Variants in KCNB2 observed in about 807,000 individuals in gnomAD.
The protein encoded by KCNB2 is delayed rectifier potassium channel protein.
KCNB2 carries 15 observed loss-of-function variants against 61.5 expected under a neutral mutation model. The observed-to-expected ratio is 0.24, with a 90% CI of 0.16 to 0.38. KCNB2 has a LOEUF of 0.38. KCNB2 is among the 10% of genes least tolerant of loss of function. KCNB2 has a pLI of 1.00. For missense variants in KCNB2, 828 were observed against 1,125.2 expected (o/e 0.74, Z 3.78); for synonymous variants, 457 against 446.0 (o/e 1.02, Z -0.31).
chr8:72,729,276 C>T (rs756556774), intron 2 of KCNB2, among the ~76,000 whole-genome samples: 6 of 152,200 alleles, frequency 3.9e-5, no homozygotes, highest in Non-Finnish European at 7.3e-5. Context: ...CGCACCAATA[C>T]TATTCCAGTG....
intron 1 of KCNB2, among the ~76,000 whole-genome samples, chr8:72,543,146 T>C (rs1806213428): frequency 6.6e-6 from 1 of 152,144 alleles, no homozygotes; most frequent in Non-Finnish European, 1.5e-5. Context: ...TTTACTTTCC[T>C]GAAATAATAT....
chr8:72,753,322 A>G (rs1014042213), intron 2 of KCNB2, among the ~76,000 whole-genome samples: 2 of 152,226 alleles, frequency 1.3e-5, no homozygotes, highest in African/African-American at 4.8e-5. Flanking sequence ...TAACATCATA[A>G]TGATCATTTT....
intron 1 of KCNB2, among the ~76,000 whole-genome samples, chr8:72,564,306 G>A (rs72668118): frequency 2.0e-5 from 3 of 152,224 alleles, no homozygotes; most frequent in Non-Finnish European, 4.4e-5. Flanking sequence ...TGAGATATTT[G>A]TGTCATTCTG....
At chr8:72,721,779 C>T (rs564196439) in intron 2 of KCNB2, among the ~76,000 whole-genome samples, 23 of 152,322 alleles carry the variant, frequency 1.5e-4, no homozygotes, top group Non-Finnish European at 3.2e-4. Context: ...CTACCCACTA[C>T]TGACCCCAAA....
chr8:72,619,400 C>G, intron 2 of KCNB2: 1 of 452,548 alleles, frequency 2.2e-6, no homozygotes, highest in South Asian at 2.0e-5. Flanking sequence ...TCATGTATTA[C>G]CAGGTAGACA....
At chr8:72,801,237 C>T (rs1045269024) in intron 2 of KCNB2, among the ~76,000 whole-genome samples, 9 of 152,204 alleles carry the variant, frequency 5.9e-5, no homozygotes, top group African/African-American at 1.9e-4. Context: ...CATCATATAC[C>T]CATTTTTGTA....
chr8:72,745,774 C>G (rs1341070021), intron 2 of KCNB2, among the ~76,000 whole-genome samples: 1 of 152,086 alleles, frequency 6.6e-6, no homozygotes, highest in Non-Finnish European at 1.5e-5. Flanking sequence ...TTGATATCAC[C>G]TGGCTTGGAG....
At chr8:72,809,803 G>A (rs975395989) in intron 2 of KCNB2, among the ~76,000 whole-genome samples, 1 of 152,132 alleles carries the variant, frequency 6.6e-6, no homozygotes, top group Non-Finnish European at 1.5e-5. Flanking sequence ...ATCCTATCCT[G>A]TCCTCTTTTT....
intron 2 of KCNB2, among the ~76,000 whole-genome samples, chr8:72,743,148 C>T (rs1807993849): frequency 6.6e-6 from 1 of 152,192 alleles, no homozygotes; most frequent in Non-Finnish European, 1.5e-5. Flanking sequence ...AGAATGATGG[C>T]CTCAGCCTGT....
chr8:72,654,046 AG>A (rs1806253106), intron 2 of KCNB2, among the ~76,000 whole-genome samples: 1 of 152,196 alleles, frequency 6.6e-6, no homozygotes, highest in Non-Finnish European at 1.5e-5. Context: ...ATTGCTTTAA[AG>A]GGTATGCCAT....
At chr8:72,677,524 T>A (rs1334982894) in intron 2 of KCNB2, among the ~76,000 whole-genome samples, 1 of 152,212 alleles carries the variant, frequency 6.6e-6, no homozygotes, top group Non-Finnish European at 1.5e-5. Context: ...TCCTTCTCTC[T>A]ACTTTCTTTC....
chr8:72,904,338 T>A (rs1806135865), intron 2 of KCNB2, among the ~76,000 whole-genome samples: 1 of 152,248 alleles, frequency 6.6e-6, no homozygotes, highest in East Asian at 1.9e-4. Flanking sequence ...TGAAACAGAT[T>A]TGGACATCCT....
At chr8:72,733,518 G>A (rs574537706) in intron 2 of KCNB2, among the ~76,000 whole-genome samples, 2 of 152,244 alleles carry the variant, frequency 1.3e-5, no homozygotes, top group Admixed American at 6.5e-5. Context: ...TTGAATATGT[G>A]ATTTATCTGA....
At chr8:72,550,554 AG>A (rs1806331537) in intron 1 of KCNB2, among the ~76,000 whole-genome samples, 1 of 152,202 alleles carries the variant, frequency 6.6e-6, no homozygotes, top group African/African-American at 2.4e-5. Context: ...AGCAGCATGC[AG>A]GCTGTGGTGT....
At chr8:72,776,854 CA>C (rs1305320339) in intron 2 of KCNB2, among the ~76,000 whole-genome samples, 1 of 152,120 alleles carries the variant, frequency 6.6e-6, no homozygotes, top group Admixed American at 6.6e-5. Context: ...ATCAGCTGAG[CA>C]ACGTTGGACC....
At chr8:72,727,067 TA>T in intron 2 of KCNB2, among the ~76,000 whole-genome samples, 1 of 152,194 alleles carries the variant, frequency 6.6e-6, no homozygotes, top group East Asian at 1.9e-4. Flanking sequence ...CTCATTGGAT[TA>T]AAAAGACTAG....
chr8:72,633,177 A>G (rs1026181178), intron 2 of KCNB2, among the ~76,000 whole-genome samples: 2 of 152,064 alleles, frequency 1.3e-5, no homozygotes, highest in African/African-American at 4.8e-5. Context: ...TCTGCCAACA[A>G]TCTGAAGGAG....
intron 2 of KCNB2, among the ~76,000 whole-genome samples, chr8:72,736,775 T>G (rs1807853013): frequency 6.6e-6 from 1 of 152,092 alleles, no homozygotes; most frequent in South Asian, 2.1e-4. Flanking sequence ...ACATAACATG[T>G]GATTAGTTAT....
At chr8:72,701,887 T>G (rs1402325562) in intron 2 of KCNB2, among the ~76,000 whole-genome samples, 2 of 152,194 alleles carry the variant, frequency 1.3e-5, no homozygotes, top group Admixed American at 1.3e-4. Context: ...GCAGTACTTT[T>G]TCATATAGAA....
Sources: allele counts gnomAD v4.1 joint callset (sites outside exome capture counted in the v4.1 genomes callset), GRCh38; gene constraint gnomAD v4.1.1; transcripts MANE v1.5; gene names NCBI Gene and HGNC (gene_info 2026-07-23, HGNC 2026-07-21).